The following DLG2 variants were observed in gnomAD, a reference collection of about 807,000 sequenced individuals.
The protein encoded by DLG2 is discs large MAGUK scaffold protein 2.
DLG2 carries 45 observed loss-of-function variants against 132.5 expected under a neutral mutation model. The observed-to-expected ratio is 0.34, with a 90% CI of 0.27 to 0.44. The LOEUF is 0.44. Among genes scored for constraint, DLG2 ranks in the 20% least tolerant of loss-of-function variants. The pLI, the probability that DLG2 is intolerant of heterozygous loss-of-function variation, is 1.00. For missense variants in DLG2, 1,045 were observed against 1,196.9 expected (o/e 0.87, Z 1.87); for synonymous variants, 424 against 419.6 (o/e 1.01, Z -0.13).
chr11:84,583,083 C>T (rs1215711391), intron 6 of DLG2, among the ~76,000 whole-genome samples: 1 of 152,144 alleles, frequency 6.6e-6, no homozygotes, highest in East Asian at 1.9e-4. Flanking sequence ...ATGATTTTGT[C>T]ATTTTTATGC....
intron 18 of DLG2, among the ~76,000 whole-genome samples, chr11:83,639,145 C>A (rs1426509303): frequency 6.6e-6 from 1 of 152,172 alleles, no homozygotes; most frequent in Non-Finnish European, 1.5e-5. Context: ...GATAAGAAAA[C>A]AATACACTCA....
intron 11 of DLG2, among the ~76,000 whole-genome samples, chr11:84,052,550 C>A (rs2096410572): frequency 1.3e-5 from 2 of 151,580 alleles, no homozygotes; most frequent in Non-Finnish European, 2.9e-5. Flanking sequence ...TGAACAGAAC[C>A]TTCTCAAAAG....
intron 7 of DLG2, among the ~76,000 whole-genome samples, chr11:84,330,683 G>C (rs1203162400): frequency 1.3e-5 from 2 of 152,132 alleles, no homozygotes. Flanking sequence ...GAAAACTAAG[G>C]TCCATTACCA....
chr11:85,325,312 G>A (rs558751263), intron 3 of DLG2, among the ~76,000 whole-genome samples: 61 of 152,286 alleles, frequency 4.0e-4, no homozygotes, highest in African/African-American at 1.5e-3. Context: ...CTCCACGTCT[G>A]GGGGCAGGGC....
At chr11:85,069,712 A>C (rs1049002840) in intron 6 of DLG2, among the ~76,000 whole-genome samples, 12 of 152,176 alleles carry the variant, frequency 7.9e-5, no homozygotes, top group African/African-American at 2.4e-4. Flanking sequence ...GTGGGACTGT[A>C]AACTAGTTTA....
At chr11:83,876,770 C>T (rs576381180) in intron 15 of DLG2, among the ~76,000 whole-genome samples, 9 of 152,236 alleles carry the variant, frequency 5.9e-5, no homozygotes, top group Non-Finnish European at 7.4e-5. Flanking sequence ...TGACTCTCTA[C>T]GTGTCCATAT....
chr11:83,789,353 T>G (rs1594402970), intron 17 of DLG2, among the ~76,000 whole-genome samples: 1 of 105,242 alleles, frequency 9.5e-6, no homozygotes, highest in Non-Finnish European at 1.7e-5. Flanking sequence ...AAAATCACAG[T>G]GGATAGCAGC....
intron 7 of DLG2, among the ~76,000 whole-genome samples, chr11:84,319,380 G>A (rs1041073588): frequency 1.1e-4 from 16 of 152,124 alleles, no homozygotes; most frequent in African/African-American, 3.4e-4. Flanking sequence ...TGAGAATGTC[G>A]GAAAGTGATA....
At chr11:84,902,985 AGCCTTTACCTT>A (rs1202195019) in intron 6 of DLG2, among the ~76,000 whole-genome samples, 1 of 152,048 alleles carries the variant, frequency 6.6e-6, no homozygotes, top group Non-Finnish European at 1.5e-5. Context: ...TCATAGGTCA[AGCCTTTACCTT>A]TTCTTTTCTG....
At chr11:84,681,854 T>C (rs76190694) in intron 6 of DLG2, among the ~76,000 whole-genome samples, 2,569 of 152,166 alleles carry the variant, frequency 0.017, 45 homozygotes, top group African/African-American at 0.039. Context: ...CCCTCTTTTC[T>C]TTGCTGACTT....
chr11:85,200,024 CACA>C (rs141052604), intron 4 of DLG2, among the ~76,000 whole-genome samples: 2,248 of 151,850 alleles, frequency 0.015, 49 homozygotes, highest in African/African-American at 0.049. Context: ...TCATTTCCCC[CACA>C]ACAACAACAA....
At chr11:83,636,080 T>G (rs1207227628) in intron 18 of DLG2, among the ~76,000 whole-genome samples, 1 of 152,226 alleles carries the variant, frequency 6.6e-6, no homozygotes, top group East Asian at 1.9e-4. Context: ...GATGGGACAC[T>G]CTCCTTTATA....
At chr11:85,225,324 T>C (rs1197877151) in intron 4 of DLG2, among the ~76,000 whole-genome samples, 2 of 152,124 alleles carry the variant, frequency 1.3e-5, no homozygotes, top group Non-Finnish European at 2.9e-5. Context: ...CTCATGAAGA[T>C]CCTGTCCCAG....
At chr11:84,011,417 G>T (rs2154064876) in intron 11 of DLG2, among the ~76,000 whole-genome samples, 1 of 152,196 alleles carries the variant, frequency 6.6e-6, no homozygotes, top group East Asian at 1.9e-4. Flanking sequence ...GCTGCAGTGA[G>T]TTGTGACAGT....
intron 7 of DLG2, among the ~76,000 whole-genome samples, chr11:84,264,044 C>T (rs1252292824): frequency 6.6e-6 from 1 of 151,998 alleles, no homozygotes; most frequent in Non-Finnish European, 1.5e-5. Context: ...CATTTTTCTT[C>T]AAAATTAATG....
chr11:85,509,010 T>C (rs375354163), intron 3 of DLG2, among the ~76,000 whole-genome samples: 4 of 152,232 alleles, frequency 2.6e-5, no homozygotes, highest in African/African-American at 7.2e-5. Flanking sequence ...ACTTTCATTG[T>C]TTCCTCCTAA....
At chr11:83,605,049 C>T (rs1221401102) in intron 19 of DLG2, among the ~76,000 whole-genome samples, 1 of 102,904 alleles carries the variant, frequency 9.7e-6, no homozygotes, top group Non-Finnish European at 2.2e-5. Context: ...TTGATTGATT[C>T]ACAGCAACCA....
At chr11:84,790,215 A>G (rs2073607007) in intron 6 of DLG2, among the ~76,000 whole-genome samples, 1 of 152,040 alleles carries the variant, frequency 6.6e-6, no homozygotes, top group African/African-American at 2.4e-5. Flanking sequence ...AATGTAGGAG[A>G]GTTCTCTTTT....
chr11:85,228,104 GTTTA>G (rs949773860), intron 4 of DLG2, among the ~76,000 whole-genome samples: 1 of 151,792 alleles, frequency 6.6e-6, no homozygotes, highest in African/African-American at 2.4e-5. Context: ...ATAATTATTT[GTTTA>G]TTTATTTTCT....
Sources: gnomAD v4.1 joint callset for allele counts (sites outside exome capture counted in the v4.1 genomes callset) on GRCh38, gnomAD v4.1.1 for gene constraint, MANE v1.5 for transcripts, NCBI Gene and HGNC (gene_info 2026-07-23, HGNC 2026-07-21) for gene names.